The following PTPRD variants were observed in gnomAD, a reference collection of about 807,000 sequenced individuals.
The protein encoded by PTPRD is protein tyrosine phosphatase receptor type D.
In PTPRD, 34 loss-of-function variants were observed where a neutral mutation model predicts 214.5. That is an observed-to-expected ratio of 0.16 (90% CI 0.12 to 0.21). PTPRD has a LOEUF of 0.21. PTPRD is among the 10% of genes least tolerant of loss of function. The probability of loss-of-function intolerance (pLI) is 1.00; values close to 1 mark genes in which losing one functional copy is unlikely to be tolerated. For missense variants in PTPRD, 2,545 were observed against 2,398.7 expected, an observed-to-expected ratio of 1.06 and a Z score of -1.27; for synonymous variants, 1,128 against 845.7, an observed-to-expected ratio of 1.33 and a Z score of -5.79.
In PTPRD at chr9:10,299,243, C is replaced by T. The variant is rs528458870; in HGVS notation, c.-545+41720G>A. 2.6e-5 allele frequency among the ~76,000 whole-genome samples: 4 copies of T among 152,154 alleles called. 1 individual carries two copies. Among genetic ancestry groups the T allele is most frequent in the African/African-American group, 9.6e-5 (4 of 41,520 alleles). On this transcript the variant is annotated intron_variant, in intron 3 of 45. Coordinates refer to ENST00000381196, the MANE Select transcript of PTPRD (RefSeq NM_002839.4). ...ATTATCATCATCAACAATGGATAAT[C>T]ATTGAGAACTTATTAACTGCAGAAT...
At chr9:8,848,508 T>G (rs1014306752) in intron 11 of PTPRD, among the ~76,000 whole-genome samples, 1 of 109,010 alleles carries the variant, frequency 9.2e-6, no homozygotes, top group Non-Finnish European at 1.7e-5. Context: ...GCAAATATTT[T>G]TTTTTTTTTT....
intron 4 of PTPRD, among the ~76,000 whole-genome samples, chr9:9,952,820 A>G (rs975698485): frequency 6.6e-6 from 1 of 152,160 alleles, no homozygotes; most frequent in Non-Finnish European, 1.5e-5. Context: ...ACCAGGAGAT[A>G]AATTTATTCC....
At chr9:9,659,081 T>A (rs2096574871) in intron 7 of PTPRD, among the ~76,000 whole-genome samples, 1 of 152,076 alleles carries the variant, frequency 6.6e-6, no homozygotes, top group Non-Finnish European at 1.5e-5. Context: ...GAAGATATAA[T>A]TACAGGATAC....
intron 10 of PTPRD, among the ~76,000 whole-genome samples, chr9:9,167,851 A>C (rs189932815): frequency 3.8e-4 from 58 of 152,324 alleles, no homozygotes; most frequent in African/African-American, 1.4e-3. Context: ...TTTTACAGCC[A>C]CTGCATGAAA....
intron 34 of PTPRD, among the ~76,000 whole-genome samples, chr9:8,449,116 T>C (rs2095844547): frequency 1.3e-5 from 2 of 152,250 alleles, no homozygotes. Flanking sequence ...AAGCACTTAA[T>C]GTTCTTTATT....
intron 2 of PTPRD, among the ~76,000 whole-genome samples, chr9:10,414,093 A>G (rs539192330): frequency 6.6e-6 from 1 of 152,006 alleles, no homozygotes; most frequent in Non-Finnish European, 1.5e-5. Flanking sequence ...ATAAAAGCAA[A>G]AATTGACAAA....
chr9:9,212,492 T>A (rs112512709), intron 9 of PTPRD, among the ~76,000 whole-genome samples: 16 of 152,298 alleles, frequency 1.1e-4, no homozygotes, highest in African/African-American at 3.8e-4. Flanking sequence ...TGTATATTAC[T>A]GCAAAAACAC....
chr9:10,497,490 G>A (rs1404876244), intron 2 of PTPRD, among the ~76,000 whole-genome samples: 1 of 151,882 alleles, frequency 6.6e-6, no homozygotes, highest in Non-Finnish European at 1.5e-5. Flanking sequence ...ATTGCAGGAG[G>A]TTAGTCATCT....
Position 8,343,738 on chromosome 9 carries a change from C to T in PTPRD, c.4662-1760G>A, listed in dbSNP as rs73410552. On this transcript the variant is annotated intron_variant, in intron 39 of 45. Transcript: ENST00000381196. ...GCATACATCTTGAGAGCAGGAACTG[C>T]ATTAAAAAAAATATTTGTGTGCCCT... Among the ~76,000 whole-genome samples the T allele has an allele frequency of 2.8e-3, 432 of 152,034 alleles. 2 individuals are homozygous for T. Among genetic ancestry groups the T allele is most frequent in the African/African-American group, 9.6e-3 (396 of 41,464 alleles).
At position 9,600,070 on chromosome 9, in the gene PTPRD, C is replaced by T. The variant is rs1250398173; in HGVS notation, c.-286-25289G>A. ...GTTACAATAAATTTTTGAAACATTG[C>T]AGTTGTTATCTGAGGACTGATCTTA... On this transcript the variant is annotated intron_variant, in intron 7 of 45. Coordinates refer to ENST00000381196, the MANE Select transcript of PTPRD (RefSeq NM_002839.4). Among the ~76,000 whole-genome samples the T allele has an allele frequency of 2.6e-5, 4 of 151,988 alleles. No homozygotes were observed. In the East Asian group the frequency reaches 5.8e-4, roughly 22 times the overall value.
intron 8 of PTPRD, among the ~76,000 whole-genome samples, chr9:9,528,439 G>T (rs149356624): frequency 1.8e-3 from 279 of 152,230 alleles, no homozygotes; most frequent in Non-Finnish European, 3.5e-3. Context: ...CTAAAGGATT[G>T]TCAGGAACTG....
chr9:8,848,747 T>G (rs890673339), intron 11 of PTPRD, among the ~76,000 whole-genome samples: 1 of 152,076 alleles, frequency 6.6e-6, no homozygotes, highest in Non-Finnish European at 1.5e-5. Context: ...CAGATAAAAG[T>G]TGGGATGCTT....
chr9:8,559,961 T>C (rs549786269), intron 14 of PTPRD, among the ~76,000 whole-genome samples: 2 of 152,286 alleles, frequency 1.3e-5, no homozygotes, highest in South Asian at 2.1e-4. Context: ...AAAGTAATAG[T>C]GTATTGATTT....
intron 9 of PTPRD, among the ~76,000 whole-genome samples, chr9:9,250,146 A>G (rs2099974866): frequency 1.3e-5 from 2 of 152,030 alleles, no homozygotes; most frequent in Non-Finnish European, 1.5e-5. Flanking sequence ...TCTTTAATAT[A>G]TGGCCACAAT....
At chr9:10,391,208 A>G (rs2098056750) in intron 2 of PTPRD, among the ~76,000 whole-genome samples, 1 of 151,840 alleles carries the variant, frequency 6.6e-6, no homozygotes, top group Non-Finnish European at 1.5e-5. Context: ...TGGAAGGCAG[A>G]GAGAACAAAG....
rs956858698 is a variant in PTPRD at position 9,242,573 on chromosome 9, C to T, written c.-202-59210G>A. Among the ~76,000 whole-genome samples the T allele has an allele frequency of 7.9e-5, 12 of 152,194 alleles. 1 individual carries two copies. In the South Asian group the frequency reaches 2.1e-3, roughly 26 times the overall value. ...TCTTTTTTCTCTAAACTTCTCTTCT[C>T]GCTTCATTTCATTCATTTGATCTTC... is the stretch of plus-strand genomic sequence containing the variant. On this transcript the variant is annotated intron_variant, in intron 9 of 45. Coordinates refer to ENST00000381196, the MANE Select transcript of PTPRD (RefSeq NM_002839.4).
chr9:8,318,417 C>A (rs1056397523), intron 45 of PTPRD, among the ~76,000 whole-genome samples: 1 of 152,050 alleles, frequency 6.6e-6, no homozygotes, highest in African/African-American at 2.4e-5. Flanking sequence ...ATCTTCTGAA[C>A]TACTGCCAAC....
intron 11 of PTPRD, among the ~76,000 whole-genome samples, chr9:8,940,688 T>G (rs1023267210): frequency 6.6e-6 from 1 of 152,028 alleles, no homozygotes; most frequent in African/African-American, 2.4e-5. Context: ...AATGTAATGG[T>G]TGACCTGCTG....
At chr9:9,985,147 A>G (rs1394169763) in intron 4 of PTPRD, among the ~76,000 whole-genome samples, 1 of 152,192 alleles carries the variant, frequency 6.6e-6, no homozygotes, top group African/African-American at 2.4e-5. Context: ...TGTGGGTTAC[A>G]ACCAGTGGGT....
Sources: gnomAD v4.1 joint callset for allele counts (sites outside exome capture counted in the v4.1 genomes callset) on GRCh38, gnomAD v4.1.1 for gene constraint, MANE v1.5 for transcripts, NCBI Gene and HGNC (gene_info 2026-07-23, HGNC 2026-07-21) for gene names.